Variants in ITGB8 observed in about 807,000 individuals in gnomAD.
ITGB8 encodes integrin subunit beta 8.
A neutral mutation model predicts 89.5 loss-of-function variants in ITGB8; 30 were observed. The ratio of observed to expected loss-of-function variants is 0.34; its 90% CI spans 0.25 to 0.45. The LOEUF is 0.45. Ranked by LOEUF, ITGB8 falls within the 20% of genes least tolerant of loss-of-function variation. ITGB8 has a pLI of 1.00. For missense variants in ITGB8, 836 were observed against 933.3 expected, an observed-to-expected ratio of 0.90 and a Z score of 1.36; for synonymous variants, 335 against 320.4, an observed-to-expected ratio of 1.05 and a Z score of -0.49.
chr7:20,389,163 A>T (rs1562690562), intron 6 of ITGB8, among the ~76,000 whole-genome samples: 1 of 152,186 alleles, frequency 6.6e-6, no homozygotes, highest in African/African-American at 2.4e-5. Context: ...TGCTGGGTCC[A>T]ATGATATTTC....
intron 7 of ITGB8, among the ~76,000 whole-genome samples, chr7:20,394,408 A>T (rs1481735832): frequency 6.6e-6 from 1 of 152,220 alleles, no homozygotes; most frequent in Non-Finnish European, 1.5e-5. Context: ...GATTTTTCCT[A>T]ACTAAAGAAG....
In ITGB8 at chr7:20,410,093, C is replaced by T; in HGVS notation, c.*96C>T. The T allele has an allele frequency of 8.0e-7, 1 of 1,244,098 alleles. No homozygotes were observed. Among genetic ancestry groups the T allele is most frequent in the Non-Finnish European group, 1.1e-6 (1 of 882,780 alleles). The allele number at this position is 1,244,098 out of a possible 1,614,324, so 77.1% of individuals were successfully genotyped here. A position where few individuals can be genotyped will look rare whatever the true frequency, so the allele number is the denominator to read the frequency against. Reference sequence around the variant, plus strand: ...AAGTCACAGGAGGAGACAAATTGCTCACGGTCATGCCAGTTGCTGGTTGTA... The same window carrying T: ...AAGTCACAGGAGGAGACAAATTGCTTACGGTCATGCCAGTTGCTGGTTGTA... On this transcript the variant is annotated 3_prime_UTR_variant, in exon 14 of 14. Transcript: ENST00000222573.
At position 20,337,902 on chromosome 7, in the gene ITGB8, T is replaced by G. The variant is rs181587156; in HGVS notation, c.127+5969T>G. 2.0e-5 allele frequency among the ~76,000 whole-genome samples: 3 copies of G among 152,304 alleles called. No individual in the cohort carries two copies. The East Asian group carries it at 5.8e-4, about 29-fold the overall frequency. ...CAGACTACTTTTATGGCCTGCCTTC[T>G]GGGGGTAAACTGAGTCACCCCTGTG... is the stretch of plus-strand genomic sequence containing the variant. On this transcript the variant is annotated intron_variant, in intron 1 of 13. Coordinates refer to ENST00000222573, the MANE Select transcript of ITGB8 (RefSeq NM_002214.3).
At chr7:20,406,270 G>T in intron 12 of ITGB8, 99 bp downstream of exon 12, 1 of 795,724 alleles carries the variant, frequency 1.3e-6, no homozygotes, top group South Asian at 1.5e-5. Flanking sequence ...AAAGGACTGG[G>T]CCGGGTGTGG....
At chr7:20,332,015 C>A (rs764422343) in intron 1 of ITGB8, 82 bp downstream of exon 1, 9 of 1,544,982 alleles carry the variant, frequency 5.8e-6, no homozygotes, top group African/African-American at 1.4e-5. Flanking sequence ...GCCAGAGCAT[C>A]CCGGCCAGGT....
chr7:20,351,424 G>T (rs1029841238), intron 1 of ITGB8, among the ~76,000 whole-genome samples: 1 of 152,196 alleles, frequency 6.6e-6, no homozygotes, highest in African/African-American at 2.4e-5. Flanking sequence ...TGTAAAATGG[G>T]CATAGCAGAA....
intron 1 of ITGB8, chr7:20,352,639 T>G (rs901230142): frequency 1.3e-5 from 2 of 152,234 alleles, no homozygotes; most frequent in East Asian, 3.8e-4. Context: ...TCTACCTTTA[T>G]GTTGAGAGAG....
intron 3 of ITGB8, among the ~76,000 whole-genome samples, chr7:20,372,268 T>C (rs1232654771): frequency 1.3e-5 from 2 of 152,240 alleles, no homozygotes; most frequent in Admixed American, 6.5e-5. Context: ...TTTATAGATA[T>C]AATGATGATT....
intron 1 of ITGB8, among the ~76,000 whole-genome samples, chr7:20,357,558 T>C (rs759377185): frequency 5.9e-5 from 9 of 152,220 alleles, no homozygotes; most frequent in Admixed American, 1.3e-4. Context: ...TTAATTATAA[T>C]GACATTACAA....
At chr7:20,341,215 G>A (rs1361214328) in intron 1 of ITGB8, among the ~76,000 whole-genome samples, 1 of 152,110 alleles carries the variant, frequency 6.6e-6, no homozygotes, top group African/African-American at 2.4e-5. Context: ...GATTTTTATG[G>A]GGAATTGAAG....
At chr7:20,392,519 G>T (rs1042651330) in intron 7 of ITGB8, among the ~76,000 whole-genome samples, 3 of 152,144 alleles carry the variant, frequency 2.0e-5, no homozygotes, top group Non-Finnish European at 4.4e-5. Flanking sequence ...CTATGGTGAA[G>T]CTTTATTTAT....
chr7:20,396,431 T>C (rs1315769466), intron 8 of ITGB8, among the ~76,000 whole-genome samples: 2 of 142,592 alleles, frequency 1.4e-5, no homozygotes, highest in African/African-American at 2.6e-5. Flanking sequence ...AGACTCCATC[T>C]CAAAAAAAAA....
In ITGB8 at chr7:20,331,717, G is replaced by T. The variant is rs961795899; in HGVS notation, c.-90G>T. ...TGCGGAAAACGTCCTAGCGACACTC[G>T]GCCCGCGGGCCCCGAGGTGCGCCCG... On this transcript the variant is annotated 5_prime_UTR_variant, in exon 1 of 14. Coordinates refer to ENST00000222573, the MANE Select transcript of ITGB8 (RefSeq NM_002214.3). 1 of 1,429,748 alleles carries T rather than the reference G, an allele frequency of 7.0e-7. No homozygotes were observed. Among genetic ancestry groups the T allele is most frequent in the Non-Finnish European group, 9.2e-7 (1 of 1,082,868 alleles). The allele number at this position is 1,429,748 out of a possible 1,614,324, so 88.6% of individuals were successfully genotyped here.
intron 6 of ITGB8, chr7:20,382,153 C>T (rs1458864592): frequency 3.4e-6 from 1 of 291,408 alleles, no homozygotes; most frequent in East Asian, 6.4e-5. Context: ...AAAAATGATA[C>T]AAGATTTTAC....
chr7:20,373,614 T>C (rs1786021424), intron 3 of ITGB8, among the ~76,000 whole-genome samples: 1 of 152,186 alleles, frequency 6.6e-6, no homozygotes, highest in Non-Finnish European at 1.5e-5. Flanking sequence ...TTGCACATTT[T>C]CTCTCCACCC....
chr7:20,338,117 A>C (rs1784635984), intron 1 of ITGB8, among the ~76,000 whole-genome samples: 2 of 152,224 alleles, frequency 1.3e-5, no homozygotes, highest in African/African-American at 2.4e-5. Flanking sequence ...CCAGTTCCTA[A>C]CTAGAAATCT....
chr7:20,347,036 G>C (rs1335417408), intron 1 of ITGB8, among the ~76,000 whole-genome samples: 1 of 152,150 alleles, frequency 6.6e-6, no homozygotes, highest in African/African-American at 2.4e-5. Context: ...TATGAAAAAG[G>C]CCTGTGGGAA....
intron 2 of ITGB8, 45 bp downstream of exon 2, chr7:20,363,767 A>G: frequency 1.7e-6 from 2 of 1,157,436 alleles, no homozygotes; most frequent in South Asian, 3.1e-5. Context: ...GACTTGAGCT[A>G]TAGCATGACT....
chr7:20,411,968 T>C lies in ITGB8; in HGVS notation c.*1971T>C, dbSNP rs1787778155. ...TTATTGGCTAGGAGTCTAACAGTCCTGTGTGGATATACAGTTTTGCCCATG... is the reference window on the plus strand; with the variant it reads ...TTATTGGCTAGGAGTCTAACAGTCCCGTGTGGATATACAGTTTTGCCCATG... On this transcript the variant is annotated 3_prime_UTR_variant, in exon 14 of 14. Coordinates refer to ENST00000222573, the MANE Select transcript of ITGB8 (RefSeq NM_002214.3). 6.6e-6 allele frequency: 1 copy of C among 152,638 alleles called. No individual in the cohort carries two copies. The highest frequency in any genetic ancestry group is 2.4e-5 in the African/African-American group (1 of 41,452). The allele number at this position is 152,638 out of a possible 1,614,324, so 9.5% of individuals were successfully genotyped here.
Sources: gnomAD v4.1 joint callset for allele counts (sites outside exome capture counted in the v4.1 genomes callset) on GRCh38, gnomAD v4.1.1 for gene constraint, MANE v1.5 for transcripts, NCBI Gene and HGNC (gene_info 2026-07-23, HGNC 2026-07-21) for gene names.